The following MCOLN2 variants were observed in gnomAD, a reference collection of about 807,000 sequenced individuals.
MCOLN2 encodes mucolipin TRP cation channel 2.
MCOLN2 carries 57 observed loss-of-function variants against 67.5 expected under a neutral mutation model. The ratio of observed to expected loss-of-function variants is 0.84; its 90% confidence interval spans 0.68 to 1.05. MCOLN2 has a LOEUF of 1.05. Among genes scored for constraint, MCOLN2 ranks in the 50% least tolerant of loss-of-function variants. The pLI, the probability that MCOLN2 is intolerant of heterozygous loss-of-function variation, is 0.00. For missense variants in MCOLN2, 620 were observed against 678.8 expected, an observed-to-expected ratio of 0.91 and a Z score of 0.96; for synonymous variants, 246 against 233.3, an observed-to-expected ratio of 1.05 and a Z score of -0.50.
chr1:84,983,755 C>A (rs889220550), intron 1 of MCOLN2, among the ~76,000 whole-genome samples: 1 of 150,228 alleles, frequency 6.7e-6, no homozygotes, highest in African/African-American at 2.5e-5. Context: ...CGGCTCACTG[C>A]AACCTCCGCC....
chr1:84,930,375 T>C (rs1263966903), intron 12 of MCOLN2, among the ~76,000 whole-genome samples: 2 of 152,008 alleles, frequency 1.3e-5, no homozygotes, highest in African/African-American at 4.8e-5. Flanking sequence ...AAGTAATCAT[T>C]ATTTCCTCTA....
In MCOLN2 at chr1:84,970,535, C is replaced by T. The variant is rs529777787; in HGVS notation, c.78-4827G>A. 1.3e-3 allele frequency among the ~76,000 whole-genome samples: 189 copies of T among 149,982 alleles called. 1 individual carries two copies. The highest frequency in any genetic ancestry group is 4.4e-3 in the African/African-American group (178 of 40,752). ...AAATACAAAAAAAAAAAAAAAATAA[C>T]AGGCATGTGTGGTGGCACACGCCTG... is the stretch of plus-strand genomic sequence containing the variant. On this transcript the variant is annotated intron_variant, in intron 1 of 13. Transcript: ENST00000370608.
intron 7 of MCOLN2, among the ~76,000 whole-genome samples, chr1:84,941,987 C>T (rs534800395): frequency 1.3e-5 from 2 of 152,326 alleles, no homozygotes; most frequent in South Asian, 4.1e-4. Context: ...GCCTGACCCC[C>T]ACCTTCTTCA....
chr1:84,987,475 TATATACATATATAC>T (rs1650604751), intron 1 of MCOLN2, among the ~76,000 whole-genome samples: 1 of 28,756 alleles, frequency 3.5e-5, no homozygotes, highest in African/African-American at 9.0e-5. Context: ...TATATAGATA[TATATACATATATAC>T]ATATGTATAC....
intron 1 of MCOLN2, 81 bp from the exon 2 acceptor site, chr1:84,965,789 T>C (rs1649350364): frequency 7.3e-7 from 1 of 1,376,846 alleles, no homozygotes; most frequent in African/African-American, 1.4e-5. Flanking sequence ...TCCCTAAACT[T>C]GAGTTGGTAC....
chr1:84,952,958 A>T (rs1266298055), intron 4 of MCOLN2, among the ~76,000 whole-genome samples: 1 of 152,264 alleles, frequency 6.6e-6, no homozygotes, highest in Admixed American at 6.5e-5. Context: ...TAGACTGAAA[A>T]GACATAACAT....
chr1:84,995,102 T>C (rs2102898386), intron 1 of MCOLN2, among the ~76,000 whole-genome samples: 1 of 152,230 alleles, frequency 6.6e-6, no homozygotes, highest in Non-Finnish European at 1.5e-5. Flanking sequence ...TTCCCTGTCT[T>C]ATATGGGCAC....
rs1427017724 is a variant in MCOLN2, at chr1:84,938,004, G to A, written c.1189C>T (p.Leu397=). Residue 397 remains leucine (L), a synonymous_variant, in exon 10 of 14, where the codon CTG becomes TTG. Transcript: ENST00000370608. ...ACATTATATGCCTGGAAATAACCCA[G>A]GTATCTGATGACTCCAACCCAAACC... ...LLVWVGVIRY[L]GYFQAYNVLI... The A allele has an allele frequency of 2.5e-6, 4 of 1,613,840 alleles. No homozygotes were observed. The highest frequency in any genetic ancestry group is 2.5e-6 in the Non-Finnish European group (3 of 1,179,876).
chr1:84,972,623 A>G (rs1025453010), intron 1 of MCOLN2, among the ~76,000 whole-genome samples: 2 of 152,218 alleles, frequency 1.3e-5, no homozygotes, highest in African/African-American at 4.8e-5. Context: ...TCCACAGATA[A>G]TCAGGACTAT....
chr1:84,964,525 G>GT (rs965304023), intron 2 of MCOLN2, among the ~76,000 whole-genome samples: 8 of 136,540 alleles, frequency 5.9e-5, no homozygotes, highest in South Asian at 5.1e-4. Context: ...TGGGGCAGGA[G>GT]TGGGGGGGGG....
chr1:84,974,448 G>A (rs1271020689), intron 1 of MCOLN2, among the ~76,000 whole-genome samples: 1 of 151,650 alleles, frequency 6.6e-6, no homozygotes, highest in Admixed American at 6.6e-5. Flanking sequence ...TTGGATACCG[G>A]CTCAGCCACA....
intron 10 of MCOLN2, 46 bp from the exon 11 acceptor site, chr1:84,937,923 A>T: frequency 6.2e-7 from 1 of 1,613,860 alleles, no homozygotes. Flanking sequence ...TAGCTATTAG[A>T]ACCCAAAGAA....
At chr1:84,951,063 C>T (rs767608086) in intron 6 of MCOLN2, among the ~76,000 whole-genome samples, 1 of 152,188 alleles carries the variant, frequency 6.6e-6, no homozygotes, top group Non-Finnish European at 1.5e-5. Flanking sequence ...CCTGCAGATG[C>T]TCCCAGTGCT....
Position 84,956,571 on chromosome 1 carries a change from T to C in MCOLN2, c.425A>G (p.Lys142Arg). 6.3e-7 allele frequency: 1 copy of C among 1,586,862 alleles called. No individual in the cohort carries two copies. The highest frequency in any genetic ancestry group is 8.5e-7 in the Non-Finnish European group (1 of 1,172,392). ...ACCAAGGGTCCCCAGGGTAATGTCC[T>C]TTAGCTGATGATACTATTAAAAAAT... Reference protein sequence around the residue: ...FFAINQYHQLKDITLGTLGYG... With the variant: ...FFAINQYHQLRDITLGTLGYG... The change falls in exon 4 of 14, where the codon AAG becomes AGG. Residue 142 changes from lysine (K) to arginine (R), a missense_variant. Coordinates refer to ENST00000370608, the MANE Select transcript of MCOLN2 (RefSeq NM_153259.4).
At chr1:84,941,138 C>T (rs1402191970) in intron 7 of MCOLN2, 147 bp from the exon 8 acceptor site, 16 of 609,532 alleles carry the variant, frequency 2.6e-5, no homozygotes, top group East Asian at 1.1e-4. Context: ...CAAATCACAC[C>T]GCATTCATTC....
chr1:84,963,926 C>T (rs957660771), intron 2 of MCOLN2, among the ~76,000 whole-genome samples: 24 of 151,994 alleles, frequency 1.6e-4, no homozygotes, highest in African/African-American at 4.6e-4. Flanking sequence ...ATTTTAGTAA[C>T]GTTAATAGAT....
chr1:84,935,253 G>A (rs1003241594), intron 11 of MCOLN2, among the ~76,000 whole-genome samples: 1 of 152,190 alleles, frequency 6.6e-6, no homozygotes, highest in Non-Finnish European at 1.5e-5. Context: ...CCAGACTGAC[G>A]TTCTCTCCCC....
In MCOLN2 at chr1:84,987,568, A is replaced by AAAT. The variant is rs1557665964; in HGVS notation, c.77+9227_77+9228insATT. 2.2e-5 allele frequency among the ~76,000 whole-genome samples: 2 copies of AAAT among 91,192 alleles called. 1 individual carries two copies. Among genetic ancestry groups the AAAT allele is most frequent in the Non-Finnish European group, 4.3e-5 (2 of 46,294 alleles). The allele number at this position is 91,192 out of a possible 152,430, so 59.8% of individuals were successfully genotyped here. On this transcript the variant is annotated intron_variant, in intron 1 of 13. Coordinates refer to ENST00000370608, the MANE Select transcript of MCOLN2 (RefSeq NM_153259.4). ...TAGATGTATACATCTATGTATACATAGATGTATACATAGATATATACATAT... is the reference window on the plus strand; with the variant it reads ...TAGATGTATACATCTATGTATACATAAATGATGTATACATAGATATATACATAT...
intron 1 of MCOLN2, among the ~76,000 whole-genome samples, chr1:84,981,246 AG>A (rs1650240637): frequency 6.6e-6 from 1 of 152,210 alleles, no homozygotes; most frequent in African/African-American, 2.4e-5. Context: ...AACAGTTTGG[AG>A]GTTCCTCAAA....
Sources: gnomAD v4.1 joint callset for allele counts (sites outside exome capture counted in the v4.1 genomes callset) on GRCh38, gnomAD v4.1.1 for gene constraint, MANE v1.5 for transcripts, NCBI Gene and HGNC (gene_info 2026-07-23, HGNC 2026-07-21) for gene names.